The following RANBP2 variants were observed in gnomAD, a reference collection of about 807,000 sequenced individuals.
The protein encoded by RANBP2 is RAN binding protein 2, also known as E3 SUMO-protein ligase RanBP2.
A neutral mutation model predicts 303.6 loss-of-function variants in RANBP2; 57 were observed. The ratio of observed to expected loss-of-function variants is 0.19; its 90% CI spans 0.15 to 0.23. The LOEUF (loss-of-function observed/expected upper bound fraction) is 0.23, where lower values mean the gene tolerates loss of function less well. Among genes scored for constraint, RANBP2 ranks in the 10% least tolerant of loss-of-function variants. RANBP2 has a pLI of 1.00. For missense variants in RANBP2, 3,138 were observed against 3,780.8 expected, an observed-to-expected ratio of 0.83 and a Z score of 4.46; for synonymous variants, 1,167 against 1,301.5, an observed-to-expected ratio of 0.90 and a Z score of 2.23.
chr2:109,164,135 T>C, the RANBP2 span, among the ~76,000 whole-genome samples: 1 of 152,162 alleles, frequency 6.6e-6, no homozygotes, highest in Admixed American at 6.5e-5. Context: ...CTTAAGGAAT[T>C]ATTTTTGGTC....
At chr2:108,868,225 C>T in the RANBP2 span, among the ~76,000 whole-genome samples, 31 of 152,212 alleles carry the variant, frequency 2.0e-4, no homozygotes, top group East Asian at 4.8e-3. Context: ...TTAAGTTACT[C>T]GCGATAGATT....
chr2:109,288,124 A>G, the RANBP2 span, among the ~76,000 whole-genome samples: 1 of 152,238 alleles, frequency 6.6e-6, no homozygotes, highest in African/African-American at 2.4e-5. Flanking sequence ...AGACAAGGCT[A>G]TCAGGAAAAT....
chr2:108,773,600 A>T (rs1337853992), intron 23 of RANBP2, among the ~76,000 whole-genome samples: 2 of 152,130 alleles, frequency 1.3e-5, no homozygotes, highest in African/African-American at 4.8e-5. Flanking sequence ...ATTTTCCGAA[A>T]TTGATCTATA....
chr2:109,209,079 A>G, the RANBP2 span, among the ~76,000 whole-genome samples: 1 of 152,194 alleles, frequency 6.6e-6, no homozygotes, highest in Non-Finnish European at 1.5e-5. Context: ...GGCAGCCAGT[A>G]CCTTAAACAA....
the RANBP2 span, chr2:109,502,896 T>TA: frequency 6.6e-6 from 1 of 152,226 alleles, no homozygotes; most frequent in Non-Finnish European, 1.5e-5. Flanking sequence ...TTTTTAAAAA[T>TA]AAATAACTGC....
the RANBP2 span, among the ~76,000 whole-genome samples, chr2:109,557,607 C>A: frequency 3.9e-5 from 6 of 152,178 alleles, no homozygotes; most frequent in Non-Finnish European, 8.8e-5. Flanking sequence ...TGCATCTCAT[C>A]GTGCTGCTTT....
At chr2:109,312,559 C>G in the RANBP2 span, among the ~76,000 whole-genome samples, 1 of 151,830 alleles carries the variant, frequency 6.6e-6, no homozygotes, top group Admixed American at 6.6e-5. Context: ...CCCCAGGCCA[C>G]CACAACCTGC....
the RANBP2 span, among the ~76,000 whole-genome samples, chr2:109,525,420 T>C: frequency 1.2e-3 from 189 of 152,310 alleles, 1 homozygote; most frequent in Middle Eastern, 3.4e-3. Flanking sequence ...CACCTTGGCC[T>C]CCCAAAGTGC....
the RANBP2 span, among the ~76,000 whole-genome samples, chr2:108,889,472 T>G: frequency 6.6e-6 from 1 of 152,184 alleles, no homozygotes; most frequent in Admixed American, 6.5e-5. Flanking sequence ...TGCTCCAATA[T>G]TCTAGACATA....
chr2:109,725,323 G>A, the RANBP2 span, among the ~76,000 whole-genome samples: 1 of 152,218 alleles, frequency 6.6e-6, no homozygotes, highest in Admixed American at 6.5e-5. Context: ...TCCACAGGGT[G>A]AGGGTCTTGA....
chr2:109,501,000 A>T, the RANBP2 span, among the ~76,000 whole-genome samples: 1 of 152,336 alleles, frequency 6.6e-6, no homozygotes, highest in East Asian at 1.9e-4. Flanking sequence ...CCTTTCACAC[A>T]TCACATTGGG....
At chr2:109,706,048 G>C in the RANBP2 span, among the ~76,000 whole-genome samples, 2 of 152,108 alleles carry the variant, frequency 1.3e-5, no homozygotes, top group Non-Finnish European at 2.9e-5. Flanking sequence ...CCACCTATTA[G>C]AATATTCTTC....
At chr2:109,600,250 T>A in the RANBP2 span, among the ~76,000 whole-genome samples, 1 of 152,050 alleles carries the variant, frequency 6.6e-6, no homozygotes, top group Non-Finnish European at 1.5e-5. Flanking sequence ...GCCTGAAGGC[T>A]TTCTCCCCAG....
chr2:108,906,582 G>T, the RANBP2 span, among the ~76,000 whole-genome samples: 121,352 of 152,168 alleles, frequency 0.8, 49,008 homozygotes, highest in East Asian at 0.92. Flanking sequence ...CCACGGGTGC[G>T]TCTTAGGCTC....
chr2:109,671,537 T>C, the RANBP2 span, among the ~76,000 whole-genome samples: 1 of 151,968 alleles, frequency 6.6e-6, no homozygotes, highest in African/African-American at 2.4e-5. Flanking sequence ...CAAGGAGGAG[T>C]CCTCCCCCTT....
At chr2:109,651,810 G>A in the RANBP2 span, among the ~76,000 whole-genome samples, 2,595 of 152,208 alleles carry the variant, frequency 0.017, 90 homozygotes, top group African/African-American at 0.059. Context: ...GGCATCCACC[G>A]CAGAGGCTTT....
the RANBP2 span, among the ~76,000 whole-genome samples, chr2:109,632,528 G>A: frequency 1.4e-4 from 21 of 152,180 alleles, no homozygotes; most frequent in Non-Finnish European, 1.9e-4. Flanking sequence ...AAAACTTGAT[G>A]TCCAGCCGGG....
chr2:109,429,658 G>A, the RANBP2 span, among the ~76,000 whole-genome samples: 2 of 152,026 alleles, frequency 1.3e-5, no homozygotes, highest in South Asian at 2.1e-4. Context: ...GCCCCAGGCC[G>A]CGCTGACAGC....
the RANBP2 span, among the ~76,000 whole-genome samples, chr2:109,266,569 G>A: frequency 1.3e-5 from 2 of 152,090 alleles, no homozygotes; most frequent in Admixed American, 6.5e-5. Flanking sequence ...CACCAGGGAC[G>A]TTTTGTGCCT....
Sources: gnomAD v4.1 joint callset for allele counts (sites outside exome capture counted in the v4.1 genomes callset) on GRCh38, gnomAD v4.1.1 for gene constraint, MANE v1.5 for transcripts, NCBI Gene and HGNC (gene_info 2026-07-23, HGNC 2026-07-21) for gene names.